SPDYE10: variants seen among roughly 807,000 people sequenced by gnomAD.
The protein encoded by SPDYE10 is speedy protein E10.
chr7:73,113,817 C>G, the SPDYE10 span, among the ~76,000 whole-genome samples: 6 of 151,934 alleles, frequency 3.9e-5, no homozygotes, highest in Admixed American at 1.3e-4. Context: ...GGGTGGATCA[C>G]GAGATCAGGA....
At chr7:73,135,003 C>A in the SPDYE10 span, among the ~76,000 whole-genome samples, 1 of 152,304 alleles carries the variant, frequency 6.6e-6, no homozygotes, top group Non-Finnish European at 1.5e-5. Flanking sequence ...GACTGAGTGG[C>A]CTCTTGTCCT....
chr7:73,147,616 T>C, the SPDYE10 span, among the ~76,000 whole-genome samples: 3 of 136,112 alleles, frequency 2.2e-5, no homozygotes, highest in Admixed American at 7.2e-5. Context: ...TGCCTCAGCC[T>C]CCCGAGTAGC....
chr7:73,137,593 T>TGAAAGAAA, the SPDYE10 span, among the ~76,000 whole-genome samples: 4,645 of 70,012 alleles, frequency 0.066, 11 homozygotes, highest in Middle Eastern at 0.12. Flanking sequence ...AAAGAAGAGA[T>TGAAAGAAA]GAAAGAAAGA....
the SPDYE10 span, among the ~76,000 whole-genome samples, chr7:73,150,946 ATAT>A: frequency 2.7e-4 from 3 of 11,318 alleles, 1 homozygote; most frequent in Non-Finnish European, 4.2e-4. Flanking sequence ...ATATATATAT[ATAT>A]TTTTTTTTTT....
chr7:73,120,884 T>G, the SPDYE10 span, among the ~76,000 whole-genome samples: 1 of 149,414 alleles, frequency 6.7e-6, no homozygotes, highest in Non-Finnish European at 1.5e-5. Context: ...CAGGCTGGAG[T>G]GCAGTGGCCC....
chr7:73,126,389 C>T, the SPDYE10 span, among the ~76,000 whole-genome samples: 2 of 99,456 alleles, frequency 2.0e-5, no homozygotes, highest in Non-Finnish European at 3.7e-5. Context: ...CACCTGTAGT[C>T]CCACCTACTC....
the SPDYE10 span, among the ~76,000 whole-genome samples, chr7:73,128,091 A>G: frequency 1.4e-4 from 21 of 152,014 alleles, no homozygotes; most frequent in Non-Finnish European, 2.6e-4. Context: ...GACTGGATAA[A>G]CAAAGTATAA....
chr7:73,134,565 G>GAAAGAAAGAAAGAAAGAAAC, the SPDYE10 span, among the ~76,000 whole-genome samples: 2 of 152,008 alleles, frequency 1.3e-5, no homozygotes, highest in Non-Finnish European at 2.9e-5. Context: ...AAGAAAGAAA[G>GAAAGAAAGAAAGAAAGAAAC]AAACCGTGCA....
chr7:73,154,732 G>A, the SPDYE10 span, among the ~76,000 whole-genome samples: 1 of 150,252 alleles, frequency 6.7e-6, no homozygotes, highest in South Asian at 2.1e-4. Flanking sequence ...CCTTAGTCCT[G>A]AGGGTGCCCG....
At chr7:73,113,885 G>A in the SPDYE10 span, among the ~76,000 whole-genome samples, 1 of 152,064 alleles carries the variant, frequency 6.6e-6, no homozygotes, top group African/African-American at 2.4e-5. Context: ...AAGTAGCCAG[G>A]CATGGTTGCG....
chr7:73,114,552 T>C, the SPDYE10 span, among the ~76,000 whole-genome samples: 1 of 147,850 alleles, frequency 6.8e-6, no homozygotes, highest in African/African-American at 2.4e-5. Context: ...TTTTTTTTTT[T>C]TGGAAACAGA....
chr7:73,120,825 G>A, the SPDYE10 span, among the ~76,000 whole-genome samples: 1 of 151,904 alleles, frequency 6.6e-6, no homozygotes. Flanking sequence ...TTAACACCAG[G>A]AATGATCATT....
chr7:73,123,782 T>TCTCTCC, the SPDYE10 span, among the ~76,000 whole-genome samples: 1 of 144,090 alleles, frequency 6.9e-6, no homozygotes, highest in Non-Finnish European at 1.5e-5. Flanking sequence ...TCTCTCTCTC[T>TCTCTCC]CTCTCCCTCT....
the SPDYE10 span, among the ~76,000 whole-genome samples, chr7:73,115,505 GACA>G: frequency 1.4e-5 from 2 of 147,006 alleles, no homozygotes; most frequent in Non-Finnish European, 3.0e-5. Flanking sequence ...TGTGAGTCTG[GACA>G]ACAAGGACTT....
the SPDYE10 span, among the ~76,000 whole-genome samples, chr7:73,134,549 G>GAAAGAAAGAAAGAAAGAAAGA: frequency 6.6e-6 from 1 of 152,032 alleles, no homozygotes; most frequent in African/African-American, 2.4e-5. Flanking sequence ...AAGAAAGAAA[G>GAAAGAAAGAAAGAAAGAAAGA]AAAGAAAGAA....
the SPDYE10 span, among the ~76,000 whole-genome samples, chr7:73,115,053 C>T: frequency 7.7e-4 from 117 of 152,172 alleles, no homozygotes; most frequent in East Asian, 0.02. Context: ...CCCACCACCA[C>T]GTATGACTAA....
chr7:73,137,438 C>T, the SPDYE10 span, among the ~76,000 whole-genome samples: 3 of 150,358 alleles, frequency 2.0e-5, no homozygotes, highest in Non-Finnish European at 4.4e-5. Context: ...AGGAGAATCG[C>T]TTGAACCTGG....
the SPDYE10 span, among the ~76,000 whole-genome samples, chr7:73,123,241 G>A: frequency 1.3e-5 from 2 of 152,188 alleles, no homozygotes; most frequent in Admixed American, 1.3e-4. Flanking sequence ...GCCTGCCAGG[G>A]CAGAGCAGAA....
At chr7:73,134,624 G>A in the SPDYE10 span, among the ~76,000 whole-genome samples, 2 of 152,250 alleles carry the variant, frequency 1.3e-5, no homozygotes, top group African/African-American at 4.8e-5. Context: ...AATTTTGGGA[G>A]GCTGAGGCGG....
Sources: allele counts gnomAD v4.1 joint callset (sites outside exome capture counted in the v4.1 genomes callset), GRCh38; gene constraint gnomAD v4.1.1; transcripts MANE v1.5; gene names NCBI Gene and HGNC (gene_info 2026-07-23, HGNC 2026-07-21).